The following VTI1A variants were observed in gnomAD, a reference collection of about 807,000 sequenced individuals.
The protein encoded by VTI1A is vesicle transport through interaction with t-SNAREs 1A.
In VTI1A, 22 loss-of-function variants were observed where a neutral mutation model predicts 34.9. That is an observed-to-expected ratio of 0.63 (90% CI 0.45 to 0.90). The LOEUF (loss-of-function observed/expected upper bound fraction) is 0.90, where lower values mean the gene tolerates loss of function less well. VTI1A is among the 40% of genes least tolerant of loss of function. The pLI is 0.00. For synonymous variants in VTI1A, 87 were observed against 97.3 expected, an observed-to-expected ratio of 0.89 and a Z score of 0.62; for missense variants, 268 against 275.6, an observed-to-expected ratio of 0.97 and a Z score of 0.20.
chr10:112,759,773 C>G (rs1476820066), intron 7 of VTI1A, among the ~76,000 whole-genome samples: 2 of 152,170 alleles, frequency 1.3e-5, no homozygotes, highest in Admixed American at 1.3e-4. Context: ...CCCTTCCCAC[C>G]CCACAAGTCT....
chr10:112,618,034 A>G (rs1319809290), intron 5 of VTI1A, among the ~76,000 whole-genome samples: 2 of 152,132 alleles, frequency 1.3e-5, no homozygotes, highest in East Asian at 3.9e-4. Context: ...CCTGCCTGTA[A>G]TCCCAGCTAC....
At chr10:112,651,166 A>G (rs1267181244) in intron 5 of VTI1A, among the ~76,000 whole-genome samples, 3 of 152,214 alleles carry the variant, frequency 2.0e-5, no homozygotes, top group African/African-American at 4.8e-5. Flanking sequence ...CAAGGGGAGC[A>G]TTCCTGTCTT....
At chr10:112,463,097 G>T (rs1847783052) in intron 2 of VTI1A, among the ~76,000 whole-genome samples, 1 of 152,068 alleles carries the variant, frequency 6.6e-6, no homozygotes, top group South Asian at 2.1e-4. Flanking sequence ...GCTAATGTTT[G>T]TATTTTTAGT....
chr10:112,821,997 C>G (rs1377134119), downstream of VTI1A, among the ~76,000 whole-genome samples: 3 of 152,242 alleles, frequency 2.0e-5, no homozygotes, highest in Non-Finnish European at 4.4e-5. Context: ...CCCTGGAACA[C>G]TGGAAAAATG....
At chr10:112,641,784 C>G (rs11196030) in intron 5 of VTI1A, among the ~76,000 whole-genome samples, 82,150 of 152,014 alleles carry the variant, frequency 0.54, 23,464 homozygotes, top group Non-Finnish European at 0.64. Flanking sequence ...CTTGCTTTTA[C>G]AAACCACATT....
intron 5 of VTI1A, among the ~76,000 whole-genome samples, chr10:112,647,950 G>A (rs548976358): frequency 6.6e-6 from 1 of 151,864 alleles, no homozygotes; most frequent in Non-Finnish European, 1.5e-5. Flanking sequence ...TTCTATTTTT[G>A]GTAGAGACCA....
At chr10:112,456,032 C>G (rs1224265466) in intron 1 of VTI1A, among the ~76,000 whole-genome samples, 5 of 152,020 alleles carry the variant, frequency 3.3e-5, no homozygotes, top group Non-Finnish European at 5.9e-5. Flanking sequence ...ACTTAGTGGC[C>G]CCTACCATGT....
At chr10:112,494,616 C>T (rs887393682) in intron 3 of VTI1A, among the ~76,000 whole-genome samples, 1 of 152,198 alleles carries the variant, frequency 6.6e-6, no homozygotes, top group African/African-American at 2.4e-5. Flanking sequence ...TCAAGTGATT[C>T]TCCTGCCTCA....
intron 7 of VTI1A, among the ~76,000 whole-genome samples, chr10:112,777,385 A>T (rs1433717501): frequency 1.3e-5 from 2 of 152,182 alleles, no homozygotes; most frequent in Non-Finnish European, 2.9e-5. Flanking sequence ...CAATACAAGC[A>T]CTAAATTGAC....
rs1450003744 is a variant in VTI1A at position 112,594,941 on chromosome 10, T to C, written c.427+56611T>C. Reference sequence around the variant, plus strand: ...CAAGGCTACAGTAACCAAACCAGCATGGTACTGGTACCAAAACAGAGATAT... The same window carrying C: ...CAAGGCTACAGTAACCAAACCAGCACGGTACTGGTACCAAAACAGAGATAT... On this transcript the variant is annotated intron_variant, in intron 5 of 7. Transcript: ENST00000393077. Among the ~76,000 whole-genome samples the C allele has an allele frequency of 8.7e-5, 13 of 148,830 alleles. No individual in the cohort carries two copies. The East Asian group carries it at 1.7e-3, about 20-fold the overall frequency.
At chr10:112,833,827 GA>G in the VTI1A span, among the ~76,000 whole-genome samples, 1 of 152,152 alleles carries the variant, frequency 6.6e-6, no homozygotes, top group African/African-American at 2.4e-5. Flanking sequence ...AGCTCCCAAA[GA>G]AGGAGTATCC....
At chr10:112,583,804 G>A (rs986624059) in intron 5 of VTI1A, among the ~76,000 whole-genome samples, 1 of 152,170 alleles carries the variant, frequency 6.6e-6, no homozygotes, top group Admixed American at 6.6e-5. Context: ...CTCCCAGGGG[G>A]CAACTTAGAA....
chr10:112,530,260 T>G (rs1850371112), intron 4 of VTI1A, among the ~76,000 whole-genome samples: 1 of 152,224 alleles, frequency 6.6e-6, no homozygotes, highest in East Asian at 1.9e-4. Flanking sequence ...TTCCAAGGAT[T>G]ACTGTCTTAA....
intron 1 of VTI1A, among the ~76,000 whole-genome samples, chr10:112,456,906 T>C (rs1847550083): frequency 6.6e-6 from 1 of 152,204 alleles, no homozygotes; most frequent in East Asian, 1.9e-4. Flanking sequence ...CTCCTCATAC[T>C]TGTCTTTCCC....
At chr10:112,806,261 T>C (rs939231039) in intron 7 of VTI1A, among the ~76,000 whole-genome samples, 19 of 152,122 alleles carry the variant, frequency 1.2e-4, no homozygotes, top group African/African-American at 4.6e-4. Flanking sequence ...GGCCCAGAGA[T>C]AGCATCTAGT....
chr10:112,569,636 G>A (rs1852044066), intron 5 of VTI1A, among the ~76,000 whole-genome samples: 2 of 152,202 alleles, frequency 1.3e-5, no homozygotes, highest in African/African-American at 4.8e-5. Context: ...CAAGCGAAGA[G>A]GGTATCCTGG....
At chr10:112,448,047 T>A (rs926945666) in intron 1 of VTI1A, among the ~76,000 whole-genome samples, 1 of 150,470 alleles carries the variant, frequency 6.6e-6, no homozygotes, top group Non-Finnish European at 1.5e-5. Context: ...AATAAATAAA[T>A]AAAATAAAAG....
chr10:112,504,365 C>T (rs536514037), intron 3 of VTI1A, among the ~76,000 whole-genome samples: 1 of 152,120 alleles, frequency 6.6e-6, no homozygotes, highest in Non-Finnish European at 1.5e-5. Flanking sequence ...ATATTCTCCC[C>T]CAACCCTGCT....
intron 1 of VTI1A, among the ~76,000 whole-genome samples, chr10:112,456,612 A>G (rs1847535537): frequency 6.6e-6 from 1 of 152,250 alleles, no homozygotes; most frequent in African/African-American, 2.4e-5. Flanking sequence ...GGTTGCAATA[A>G]ATGGATGCAG....
Sources: allele counts gnomAD v4.1 joint callset (sites outside exome capture counted in the v4.1 genomes callset), GRCh38; gene constraint gnomAD v4.1.1; transcripts MANE v1.5; gene names NCBI Gene and HGNC (gene_info 2026-07-23, HGNC 2026-07-21).